ATP8A1: variants seen among roughly 807,000 people sequenced by gnomAD.
ATP8A1 encodes the protein ATPase phospholipid transporting 8A1, also known as phospholipid-transporting ATPase IA.
A neutral mutation model predicts 177.7 loss-of-function variants in ATP8A1; 90 were observed. The observed-to-expected ratio is 0.51, with a 90% CI of 0.43 to 0.60. The LOEUF (loss-of-function observed/expected upper bound fraction) is 0.60. ATP8A1 is among the 20% of genes least tolerant of loss of function. ATP8A1 has a pLI of 0.00. For missense variants in ATP8A1, 1,072 were observed against 1,392.8 expected (o/e 0.77, Z 3.67); for synonymous variants, 493 against 485.9 (o/e 1.01, Z -0.19).
At chr4:42,639,877 C>G (rs1196829711) in intron 1 of ATP8A1, among the ~76,000 whole-genome samples, 6 of 152,212 alleles carry the variant, frequency 3.9e-5, no homozygotes, top group African/African-American at 1.4e-4. Context: ...ATAACCTACA[C>G]ACATCCTCTT....
At chr4:42,519,708 T>C (rs936401858) in intron 22 of ATP8A1, among the ~76,000 whole-genome samples, 1 of 152,222 alleles carries the variant, frequency 6.6e-6, no homozygotes, top group African/African-American at 2.4e-5. Context: ...TCAGTCTTCA[T>C]TTGGAGCAGG....
intron 11 of ATP8A1, among the ~76,000 whole-genome samples, chr4:42,578,627 G>A (rs375972747): frequency 6.6e-6 from 1 of 152,256 alleles, no homozygotes; most frequent in African/African-American, 2.4e-5. Flanking sequence ...TGAAAGGACT[G>A]TCAAATATTG....
At chr4:42,581,300 AT>A (rs758136978) in intron 10 of ATP8A1, among the ~76,000 whole-genome samples, 13 of 152,088 alleles carry the variant, frequency 8.5e-5, no homozygotes, top group South Asian at 2.1e-4. Context: ...CGCCCGGCTA[AT>A]TTTTTGTATT....
intron 5 of ATP8A1, among the ~76,000 whole-genome samples, chr4:42,615,118 A>G (rs6836563): frequency 0.23 from 34,382 of 152,126 alleles, 4,346 homozygotes; most frequent in Non-Finnish European, 0.29. Flanking sequence ...GTAAGTTGAA[A>G]TTCCCGTCTT....
At position 42,551,181 on chromosome 4, in the gene ATP8A1, A is replaced by C; in HGVS notation, c.1602+17T>G. The C allele has an allele frequency of 1.3e-6, 2 of 1,599,638 alleles. No homozygotes were observed. Among genetic ancestry groups the C allele is most frequent in the Non-Finnish European group, 1.7e-6 (2 of 1,166,958 alleles). On this transcript the variant is annotated intron_variant, in intron 18 of 36. Coordinates refer to ENST00000381668, the MANE Select transcript of ATP8A1 (RefSeq NM_006095.2). ...TATTACTTGGATTAAAAAGAACCTT[A>C]AAAACAACTAACTTACTGAATCTAT...
intron 25 of ATP8A1, among the ~76,000 whole-genome samples, chr4:42,483,049 A>T (rs1721853070): frequency 6.6e-6 from 1 of 152,198 alleles, no homozygotes; most frequent in Non-Finnish European, 1.5e-5. Context: ...CATCTGAGAA[A>T]CGAGGAGTGA....
At chr4:42,547,923 C>T (rs1180756406) in intron 19 of ATP8A1, among the ~76,000 whole-genome samples, 2 of 152,184 alleles carry the variant, frequency 1.3e-5, no homozygotes, top group Non-Finnish European at 2.9e-5. Context: ...TGAGCAGCAG[C>T]ATTACTTCCT....
Position 42,470,088 on chromosome 4 carries a change from T to G in ATP8A1, c.2325-5012A>C, listed in dbSNP as rs1720224490. 2.6e-5 allele frequency among the ~76,000 whole-genome samples: 4 copies of G among 152,346 alleles called. No homozygotes were observed. The South Asian group carries it at 8.3e-4, about 32-fold the overall frequency. On this transcript the variant is annotated intron_variant, in intron 25 of 36. Transcript: ENST00000381668. Reference sequence around the variant, plus strand: ...TCACAGTTATCTTCTGTTCCACCGTTGCTTTTTCTTCTTTGGTAGAAGAGA... The same window carrying G: ...TCACAGTTATCTTCTGTTCCACCGTGGCTTTTTCTTCTTTGGTAGAAGAGA...
At chr4:42,545,711 C>T (rs572770280) in intron 19 of ATP8A1, among the ~76,000 whole-genome samples, 4 of 152,312 alleles carry the variant, frequency 2.6e-5, no homozygotes, top group Middle Eastern at 3.4e-3. Context: ...TGGTGGCTTA[C>T]GCCTGTAATC....
At chr4:42,514,525 G>C (rs984801363) in intron 22 of ATP8A1, among the ~76,000 whole-genome samples, 2 of 152,136 alleles carry the variant, frequency 1.3e-5, no homozygotes, top group African/African-American at 4.8e-5. Flanking sequence ...ATGGAATACA[G>C]TACATAGAGT....
intron 15 of ATP8A1, among the ~76,000 whole-genome samples, chr4:42,563,128 G>A (rs1325488582): frequency 6.6e-6 from 1 of 152,240 alleles, no homozygotes; most frequent in East Asian, 1.9e-4. Context: ...GAACTTCCTA[G>A]AGACTTGAAG....
At chr4:42,574,405 G>A (rs1238395573) in intron 14 of ATP8A1, among the ~76,000 whole-genome samples, 1 of 152,030 alleles carries the variant, frequency 6.6e-6, no homozygotes, top group Non-Finnish European at 1.5e-5. Context: ...AAATACCATT[G>A]GGCAGAGCAC....
chr4:42,431,638 A>C (rs1715317772), intron 33 of ATP8A1, among the ~76,000 whole-genome samples: 1 of 152,146 alleles, frequency 6.6e-6, no homozygotes, highest in African/African-American at 2.4e-5. Flanking sequence ...CAAATCCATT[A>C]TGTATTTCCT....
At chr4:42,519,554 G>A (rs1428978452) in intron 22 of ATP8A1, among the ~76,000 whole-genome samples, 1 of 152,126 alleles carries the variant, frequency 6.6e-6, no homozygotes, top group East Asian at 1.9e-4. Context: ...CTTCATTTAG[G>A]GAATTTGCTC....
In ATP8A1 at chr4:42,412,772, T is replaced by C. The variant is rs1003375074; in HGVS notation, c.*144A>G. On this transcript the variant is annotated 3_prime_UTR_variant, in exon 37 of 37. Transcript: ENST00000381668. ...ACAGTGCTTATGTCTATAATATACATGAATCTGAATGTCCATCAGCGAGAT... is the reference window on the plus strand; with the variant it reads ...ACAGTGCTTATGTCTATAATATACACGAATCTGAATGTCCATCAGCGAGAT... The C allele has an allele frequency of 2.2e-5, 14 of 637,102 alleles. No individual in the cohort carries two copies. In the Admixed American group the frequency reaches 2.8e-4, roughly 13 times the overall value. 39.5% of individuals were successfully genotyped at this position (637,102 alleles called of 1,614,324 possible).
At chr4:42,463,292 T>A (rs896958309) in intron 27 of ATP8A1, among the ~76,000 whole-genome samples, 3 of 152,188 alleles carry the variant, frequency 2.0e-5, no homozygotes, top group Admixed American at 6.5e-5. Context: ...AATTGAATCA[T>A]GGGGGCAAGT....
chr4:42,538,950 T>C (rs1728106498), intron 20 of ATP8A1, among the ~76,000 whole-genome samples: 1 of 152,154 alleles, frequency 6.6e-6, no homozygotes, highest in African/African-American at 2.4e-5. Context: ...AAAAAGATAC[T>C]TGCACACATG....
chr4:42,526,654 C>A (rs1306074153), intron 20 of ATP8A1, among the ~76,000 whole-genome samples: 1 of 152,082 alleles, frequency 6.6e-6, no homozygotes, highest in Non-Finnish European at 1.5e-5. Flanking sequence ...CCTGCAGGTC[C>A]CATGGCCTAT....
chr4:42,652,559 CTATAA>C (rs1414825396), intron 1 of ATP8A1, among the ~76,000 whole-genome samples: 1 of 152,160 alleles, frequency 6.6e-6, no homozygotes, highest in Non-Finnish European at 1.5e-5. Flanking sequence ...TAGCAAAGTC[CTATAA>C]TATGATTGCT....
Sources: allele counts gnomAD v4.1 joint callset (sites outside exome capture counted in the v4.1 genomes callset), GRCh38; gene constraint gnomAD v4.1.1; transcripts MANE v1.5; gene names NCBI Gene and HGNC (gene_info 2026-07-23, HGNC 2026-07-21).